The following SENP2 variants were observed in gnomAD, a reference collection of about 807,000 sequenced individuals.
The protein encoded by SENP2 is sentrin-specific protease 2.
A neutral mutation model predicts 86.3 loss-of-function variants in SENP2; 16 were observed. That is an observed-to-expected ratio of 0.19 (90% confidence interval 0.13 to 0.28). The LOEUF is 0.28. Ranked by LOEUF, SENP2 falls within the 10% of genes least tolerant of loss-of-function variation. The pLI is 1.00. For missense variants in SENP2, 552 were observed against 703.0 expected (o/e 0.79, Z 2.43); for synonymous variants, 222 against 238.7 (o/e 0.93, Z 0.64).
At chr3:185,619,550 A>G (rs1219364262) in intron 13 of SENP2, 48 bp downstream of exon 13, 2 of 1,513,038 alleles carry the variant, frequency 1.3e-6, no homozygotes, top group South Asian at 2.3e-5. Context: ...GATAAAGGCC[A>G]TTTTTTAAAA....
At chr3:185,598,674 C>A in intron 3 of SENP2, 129 bp downstream of exon 3, 1 of 968,986 alleles carries the variant, frequency 1.0e-6, no homozygotes, top group Non-Finnish European at 1.5e-6. Flanking sequence ...TCTTTATTAG[C>A]TGTGCTATAA....
chr3:185,629,124 A>G (rs903048284), intron 16 of SENP2, among the ~76,000 whole-genome samples: 80 of 152,258 alleles, frequency 5.3e-4, no homozygotes, highest in African/African-American at 1.3e-3. Flanking sequence ...TTTTTCTCAT[A>G]AAAAAACAGA....
chr3:185,610,633 G>A (rs1043876760), intron 7 of SENP2, among the ~76,000 whole-genome samples: 2 of 152,138 alleles, frequency 1.3e-5, no homozygotes, highest in African/African-American at 4.8e-5. Flanking sequence ...TGTCATGTTG[G>A]CGAAACCCTC....
At chr3:185,588,007 G>A (rs1296226669) in intron 1 of SENP2, among the ~76,000 whole-genome samples, 1 of 148,802 alleles carries the variant, frequency 6.7e-6, no homozygotes, top group African/African-American at 2.5e-5. Flanking sequence ...CCAAAGTGCT[G>A]GGATTACAGG....
intron 2 of SENP2, among the ~76,000 whole-genome samples, chr3:185,593,039 A>G (rs558216636): frequency 6.6e-5 from 10 of 152,364 alleles, no homozygotes; most frequent in Non-Finnish European, 1.3e-4. Flanking sequence ...ACAAAATCCT[A>G]TCCAATTTTC....
At chr3:185,605,896 A>G (rs1479243355) in intron 5 of SENP2, among the ~76,000 whole-genome samples, 1 of 152,358 alleles carries the variant, frequency 6.6e-6, no homozygotes, top group African/African-American at 2.4e-5. Flanking sequence ...CTGTACTAAG[A>G]TAACAGTGGT....
chr3:185,621,271 T>G (rs1711864537), intron 13 of SENP2, among the ~76,000 whole-genome samples: 1 of 134,208 alleles, frequency 7.5e-6, no homozygotes, highest in Admixed American at 7.5e-5. Flanking sequence ...AGAGGACCAC[T>G]AATTTTTTAA....
intron 11 of SENP2, among the ~76,000 whole-genome samples, chr3:185,616,339 T>C (rs1711602706): frequency 6.9e-6 from 1 of 145,468 alleles, no homozygotes; most frequent in Non-Finnish European, 1.5e-5. Context: ...GGCATGGTGG[T>C]GTGCACCTGT....
chr3:185,590,130 G>T lies in SENP2; in HGVS notation c.118G>T (p.Val40Leu). 1 of 1,543,058 alleles carries T rather than the reference G, an allele frequency of 6.5e-7. No homozygotes were observed. Among genetic ancestry groups the T allele is most frequent in the Non-Finnish European group, 8.8e-7 (1 of 1,142,164 alleles). Residue 40 changes from valine to leucine, a missense_variant, in exon 2 of 17, where the codon GTG (valine) becomes TTG (leucine). By Grantham distance (32) the Val-to-Leu change is conservative (BLOSUM62 1). Around this residue, in one of 2 missense-constraint regions of SENP2, gnomAD observed 383 missense variants for 427.3 expected, o/e 0.90. Transcript: ENST00000296257. ...RRSDSTLFST[V>L]DTDEIPAKRP... ...CTTTTTCAGCACTCTGTTTTCTACA[G>T]TGGACACTGATGAAATACCAGCCAA...
At chr3:185,617,453 T>G in intron 11 of SENP2, 27 bp from the exon 12 acceptor site, 3 of 1,579,524 alleles carry the variant, frequency 1.9e-6, no homozygotes, top group South Asian at 2.4e-5. Context: ...TATATTAAAA[T>G]AGCAACTTCT....
Position 185,626,366 on chromosome 3 carries a change from T to C in SENP2, c.1680T>C (p.Ser560=), listed in dbSNP as rs1219182775. The C allele has an allele frequency of 1.2e-6, 2 of 1,610,852 alleles. No individual in the cohort carries two copies. The highest frequency in any genetic ancestry group is 1.1e-5 in the South Asian group (1 of 90,948). Residue 560 remains serine (S), a synonymous_variant, in exon 16 of 17, where the codon TCT becomes TCC. Coordinates refer to ENST00000296257, the MANE Select transcript of SENP2 (RefSeq NM_021627.3). ...MFTCKYADYI[S]RDKPITFTQH... ...CTTGTAAATATGCAGATTATATTTC[T>C]AGGGACAAACCTATCACATTTACTC...
chr3:185,611,582 A>C, intron 7 of SENP2, 69 bp from the exon 8 acceptor site: 71 of 932,014 alleles, frequency 7.6e-5, no homozygotes, highest in Non-Finnish European at 1.1e-4. Context: ...CTTGCTGGAC[A>C]GAGATAATGC....
chr3:185,605,461 C>T (rs537576727), intron 5 of SENP2, among the ~76,000 whole-genome samples: 70 of 152,126 alleles, frequency 4.6e-4, no homozygotes, highest in African/African-American at 1.7e-3. Context: ...ATGTAATCTA[C>T]AGGTCTTATT....
intron 4 of SENP2, 135 bp from the exon 5 acceptor site, chr3:185,600,630 A>G (rs2148984384): frequency 3.2e-6 from 2 of 628,366 alleles, no homozygotes; most frequent in African/African-American, 1.9e-5. Context: ...CTCCTGTGCT[A>G]TTAATAGAAA....
chr3:185,611,143 G>C (rs1167928244), intron 7 of SENP2, among the ~76,000 whole-genome samples: 2 of 152,112 alleles, frequency 1.3e-5, no homozygotes, highest in Non-Finnish European at 2.9e-5. Context: ...AGGTGTAGTG[G>C]CGTGTGCCAG....
At chr3:185,626,112 CTA>C (rs1425313915) in intron 15 of SENP2, among the ~76,000 whole-genome samples, 184 bp from the exon 16 acceptor site, 3 of 152,148 alleles carry the variant, frequency 2.0e-5, no homozygotes, top group South Asian at 4.1e-4. Context: ...TTGCTATGAT[CTA>C]TGTTTTATAC....
Position 185,586,717 on chromosome 3 carries a change from C to T in SENP2, c.101+203C>T, listed in dbSNP as rs898894009. Among the ~76,000 whole-genome samples, 15 of 152,210 alleles carry T rather than the reference C, an allele frequency of 9.9e-5. No individual in the cohort carries two copies. The highest frequency in any genetic ancestry group is 1.6e-4 in the Non-Finnish European group (11 of 68,024). On this transcript the variant is annotated intron_variant, in intron 1 of 16. Coordinates refer to ENST00000296257, the MANE Select transcript of SENP2 (RefSeq NM_021627.3). This position sits in a 1 kb window ranked among gnomAD's most constrained non-coding sequence, Gnocchi z 4.3. ...TCGTCTTCGTAGCGGCCGGTGATGG[C>T]AGGGTCTTTGACATTCTTGTCAGAG...
chr3:185,590,846 C>T (rs1487448871), intron 2 of SENP2, among the ~76,000 whole-genome samples: 3 of 98,450 alleles, frequency 3.0e-5, no homozygotes, highest in Admixed American at 1.5e-4. Flanking sequence ...CCAGCCTGGG[C>T]GACAGAGCGA....
intron 1 of SENP2, among the ~76,000 whole-genome samples, chr3:185,587,724 G>A (rs2148978199): frequency 9.9e-6 from 1 of 101,268 alleles, no homozygotes; most frequent in African/African-American, 4.1e-5. Flanking sequence ...CCGCCACCAT[G>A]CCCGGCTATT....
Sources: allele counts gnomAD v4.1 joint callset (sites outside exome capture counted in the v4.1 genomes callset), GRCh38; gene constraint gnomAD v4.1.1; regional missense constraint gnomAD v4.1.1; non-coding constraint Gnocchi (gnomAD v3.1); transcripts MANE v1.5; gene names NCBI Gene and HGNC (gene_info 2026-07-23, HGNC 2026-07-21).